The following C11orf65 variants were observed in gnomAD, a reference collection of about 807,000 sequenced individuals.
The protein encoded by C11orf65 is chromosome 11 open reading frame 65.
C11orf65 carries 38 observed loss-of-function variants against 35.3 expected under a neutral mutation model. The ratio of observed to expected loss-of-function variants is 1.08; its 90% CI spans 0.83 to 1.41. The LOEUF is 1.41. Among genes scored for constraint, C11orf65 ranks in the 40% most tolerant of loss-of-function variants. C11orf65 has a pLI of 0.00. For synonymous variants in C11orf65, 105 were observed against 114.4 expected (o/e 0.92, Z 0.53); for missense variants, 370 against 367.1 (o/e 1.01, Z -0.06).
intron 3 of C11orf65, 39 bp from the exon 4 acceptor site, chr11:108,407,188 G>A (rs988177394): frequency 1.5e-6 from 2 of 1,376,936 alleles, no homozygotes; most frequent in Non-Finnish European, 2.0e-6. Context: ...TTATTCTTCA[G>A]GATTCTGTAT....
At chr11:108,448,561 A>C (rs1212779736) in intron 2 of C11orf65, among the ~76,000 whole-genome samples, 1 of 152,254 alleles carries the variant, frequency 6.6e-6, no homozygotes, top group Non-Finnish European at 1.5e-5. Flanking sequence ...AGATTCAGAA[A>C]AGGCCTTTGA....
At chr11:108,308,655 C>T in exon 7 of C11orf65, 1 of 245,778 alleles carries the variant, frequency 4.1e-6, no homozygotes, top group Non-Finnish European at 8.0e-6. Context: ...ATCGATGTCT[C>T]ATAAGTGTGT....
intron 7 of C11orf65, among the ~76,000 whole-genome samples, chr11:108,390,898 C>A (rs1180423759): frequency 1.3e-5 from 2 of 152,162 alleles, no homozygotes; most frequent in Non-Finnish European, 2.9e-5. Flanking sequence ...CTACTATGGA[C>A]ACTTAGTCCT....
At chr11:108,351,989 T>A (rs1591298409) in intron 2 of C11orf65, among the ~76,000 whole-genome samples, 1 of 152,158 alleles carries the variant, frequency 6.6e-6, no homozygotes, top group Non-Finnish European at 1.5e-5. Flanking sequence ...TGGAGGCCAA[T>A]TGGGGAATCT....
At chr11:108,319,456 G>A (rs2085030648) in intron 6 of C11orf65, among the ~76,000 whole-genome samples, 1 of 151,848 alleles carries the variant, frequency 6.6e-6, no homozygotes, top group African/African-American at 2.4e-5. Flanking sequence ...CTTTTCATTC[G>A]GACCCTAGTT....
At chr11:108,394,323 T>C (rs1346128416) in intron 6 of C11orf65, among the ~76,000 whole-genome samples, 2 of 151,548 alleles carry the variant, frequency 1.3e-5, no homozygotes, top group African/African-American at 2.4e-5. Context: ...CCCAACACTT[T>C]TGGAGACTGA....
chr11:108,389,797 C>T (rs1266324635), intron 7 of C11orf65, among the ~76,000 whole-genome samples: 1 of 150,736 alleles, frequency 6.6e-6, no homozygotes, highest in Admixed American at 6.6e-5. Flanking sequence ...TGGGTTCATG[C>T]CATTCTCCTG....
intron 2 of C11orf65, among the ~76,000 whole-genome samples, chr11:108,370,548 C>T (rs1248743268): frequency 1.3e-5 from 2 of 148,198 alleles, no homozygotes; most frequent in Non-Finnish European, 3.0e-5. Context: ...ACATTCTAGT[C>T]CTGTGCCTCA....
intron 3 of C11orf65, among the ~76,000 whole-genome samples, chr11:108,334,695 A>G (rs942410832): frequency 6.6e-6 from 1 of 152,216 alleles, no homozygotes; most frequent in Non-Finnish European, 1.5e-5. Flanking sequence ...ATAACCCAGA[A>G]AACTCCTTCT....
At chr11:108,312,120 C>G (rs1455946990) in intron 6 of C11orf65, among the ~76,000 whole-genome samples, 1 of 152,098 alleles carries the variant, frequency 6.6e-6, no homozygotes, top group Non-Finnish European at 1.5e-5. Flanking sequence ...GTATATAGTA[C>G]CTGAATTGGA....
chr11:108,459,726 T>TACACACACACACACACACAC lies in C11orf65; in HGVS notation c.81+1733_81+1752dup, dbSNP rs60928526. Among the ~76,000 whole-genome samples, 599 of 138,650 alleles carry TACACACACACACACACACAC rather than the reference T, an allele frequency of 4.3e-3. 9 individuals carry two copies. The highest frequency in any genetic ancestry group is 7.2e-3 in the Non-Finnish European group (463 of 64,352). 91.0% of individuals were successfully genotyped at this position (138,650 alleles called of 152,430 possible). Reference sequence around the variant, plus strand: ...AGAAGGTGAAAATGTGTCCTCCGTCTACACACACACACACACACACACACA... The same window carrying TACACACACACACACACACAC: ...AGAAGGTGAAAATGTGTCCTCCGTCTACACACACACACACACACACACACACACACACACACACACACACA... On this transcript the variant is annotated intron_variant, in intron 2 of 8. Transcript: ENST00000393084.
Position 108,322,721 on chromosome 11 carries a change from A to C in C11orf65, c.641-13650T>G, listed in dbSNP as rs1463394086. On this transcript the variant is annotated intron_variant, in intron 6 of 6. Coordinates refer to the C11orf65 transcript ENST00000525729. ...ATTTTCCAAAATAGTCACTGTAAAA[A>C]TTCAAGTTTAAAAAATTCAGCTTAA... Among the ~76,000 whole-genome samples the C allele has an allele frequency of 1.4e-4, 21 of 152,164 alleles. 1 individual carries two copies. Among genetic ancestry groups the C allele is most frequent in the Non-Finnish European group, 3.1e-4 (21 of 68,032 alleles).
chr11:108,459,285 TTG>T (rs1425737452), intron 2 of C11orf65, among the ~76,000 whole-genome samples: 1 of 152,170 alleles, frequency 6.6e-6, no homozygotes, highest in African/African-American at 2.4e-5. Context: ...CAGGGTTTCT[TTG>T]TGTCTTTTTT....
At chr11:108,404,719 G>A (rs566108262) in intron 6 of C11orf65, among the ~76,000 whole-genome samples, 7 of 151,770 alleles carry the variant, frequency 4.6e-5, no homozygotes, top group African/African-American at 9.7e-5. Flanking sequence ...GTGAGCCACC[G>A]CGCCCGGCCA....
At chr11:108,319,253 A>G (rs1591095141) in intron 6 of C11orf65, among the ~76,000 whole-genome samples, 1 of 152,218 alleles carries the variant, frequency 6.6e-6, no homozygotes, top group Non-Finnish European at 1.5e-5. Flanking sequence ...ATATATCCTC[A>G]TATTTTAAAA....
At chr11:108,444,986 C>G (rs1163391970) in intron 2 of C11orf65, among the ~76,000 whole-genome samples, 1 of 152,180 alleles carries the variant, frequency 6.6e-6, no homozygotes, top group Non-Finnish European at 1.5e-5. Context: ...GGGTCCTACG[C>G]CCACGGAGTC....
chr11:108,317,045 C>T (rs867763958), intron 6 of C11orf65, among the ~76,000 whole-genome samples: 8 of 151,630 alleles, frequency 5.3e-5, no homozygotes, highest in Non-Finnish European at 1.2e-4. Context: ...GGGCACCTCT[C>T]GCTTCAGCCA....
chr11:108,405,602 G>T, intron 5 of C11orf65, 43 bp from the exon 6 acceptor site: 2 of 1,593,976 alleles, frequency 1.3e-6, no homozygotes, highest in Non-Finnish European at 8.6e-7. Context: ...TTGAAATATC[G>T]ATTGTGAGGT....
intron 2 of C11orf65, among the ~76,000 whole-genome samples, chr11:108,335,488 C>A (rs1379963656): frequency 6.6e-6 from 1 of 152,052 alleles, no homozygotes; most frequent in Non-Finnish European, 1.5e-5. Flanking sequence ...ATTTAATGTA[C>A]CAAAAAGGGA....
Sources: gnomAD v4.1 joint callset for allele counts (sites outside exome capture counted in the v4.1 genomes callset) on GRCh38, gnomAD v4.1.1 for gene constraint, MANE v1.5 for transcripts, NCBI Gene and HGNC (gene_info 2026-07-23, HGNC 2026-07-21) for gene names.